Variants in RELCH observed in about 807,000 individuals in gnomAD.
RELCH encodes RAB11 binding and LisH domain, coiled-coil and HEAT repeat containing.
Under a neutral mutation model 150.3 loss-of-function variants are expected in RELCH, and 41 were observed. The ratio of observed to expected loss-of-function variants is 0.27; its 90% CI spans 0.21 to 0.35. RELCH has a LOEUF of 0.35. Ranked by LOEUF, RELCH falls within the 10% of genes least tolerant of loss-of-function variation. RELCH has a pLI of 1.00. For synonymous variants in RELCH, 478 were observed against 531.8 expected, an observed-to-expected ratio of 0.90 and a Z score of 1.39; for missense variants, 1,092 against 1,467.8, an observed-to-expected ratio of 0.74 and a Z score of 4.18.
chr18:62,266,172 A>G (rs1301737918), intron 18 of RELCH, among the ~76,000 whole-genome samples: 1 of 151,944 alleles, frequency 6.6e-6, no homozygotes, highest in Non-Finnish European at 1.5e-5. Context: ...AACTTAACAT[A>G]TTAAAGTTAA....
intron 2 of RELCH, among the ~76,000 whole-genome samples, chr18:62,213,605 C>T (rs1416069265): frequency 6.6e-6 from 1 of 151,712 alleles, no homozygotes; most frequent in Admixed American, 6.6e-5. Context: ...TTGCGTGTGC[C>T]TGCAGTCCCA....
intron 1 of RELCH, among the ~76,000 whole-genome samples, chr18:62,190,239 G>A (rs1369760199): frequency 2.0e-5 from 3 of 152,184 alleles, no homozygotes; most frequent in South Asian, 2.1e-4. Flanking sequence ...TTTTAAGTGT[G>A]TGCAGTTTGG....
chr18:62,227,808 A>G (rs1296403124), intron 7 of RELCH, 119 bp downstream of exon 7: 1 of 502,724 alleles, frequency 2.0e-6, no homozygotes, highest in Non-Finnish European at 3.5e-6. Context: ...ACATTTTAAT[A>G]CTTCTGAAAG....
chr18:62,266,763 T>C lies in RELCH; in HGVS notation c.2680+14T>C. On this transcript the variant is annotated intron_variant, in intron 19 of 28. Coordinates refer to ENST00000644646, the MANE Select transcript of RELCH (RefSeq NM_001346231.2). ...AAGAAAACATTGGTGAGTTTGTTCA[T>C]TATTACTTTTAAAAACAATTGCATT... The C allele has an allele frequency of 7.3e-6, 11 of 1,508,908 alleles. No homozygotes were observed. The highest frequency in any genetic ancestry group is 9.2e-6 in the Non-Finnish European group (10 of 1,090,492). 93.5% of individuals were successfully genotyped at this position (1,508,908 alleles called of 1,614,324 possible).
intron 11 of RELCH, among the ~76,000 whole-genome samples, chr18:62,252,153 G>A (rs1008445915): frequency 9.4e-5 from 14 of 149,012 alleles, no homozygotes; most frequent in African/African-American, 1.7e-4. Flanking sequence ...GTGCCACCAC[G>A]CCCGGCTAAT....
chr18:62,221,135 CT>C, intron 3 of RELCH, 27 bp downstream of exon 3: 1 of 1,607,416 alleles, frequency 6.2e-7, no homozygotes, highest in Non-Finnish European at 8.5e-7. Context: ...TTTTTTGAGA[CT>C]TTTCAACTTT....
chr18:62,193,889 G>A (rs748831797), intron 1 of RELCH, among the ~76,000 whole-genome samples: 5 of 152,240 alleles, frequency 3.3e-5, no homozygotes, highest in Middle Eastern at 3.4e-3. Flanking sequence ...CTCTATATGT[G>A]CATTATCAAA....
intron 1 of RELCH, among the ~76,000 whole-genome samples, chr18:62,207,914 T>C (rs1445658770): frequency 1.3e-5 from 2 of 152,240 alleles, no homozygotes; most frequent in Non-Finnish European, 2.9e-5. Flanking sequence ...ATACAGTATA[T>C]AGCCATGTAG....
intron 1 of RELCH, among the ~76,000 whole-genome samples, chr18:62,196,049 A>G (rs940054625): frequency 2.6e-5 from 4 of 152,076 alleles, no homozygotes; most frequent in African/African-American, 4.8e-5. Context: ...CTGAAAGCAT[A>G]TATCTAACTA....
chr18:62,232,936 A>G (rs17069644), intron 10 of RELCH, among the ~76,000 whole-genome samples: 21,777 of 152,000 alleles, frequency 0.14, 1,853 homozygotes, highest in African/African-American at 0.24. Flanking sequence ...TTCTCTTATA[A>G]TAGGATAGTT....
chr18:62,188,531 C>T (rs1742504429), intron 1 of RELCH, among the ~76,000 whole-genome samples: 2 of 152,176 alleles, frequency 1.3e-5, no homozygotes, highest in Non-Finnish European at 2.9e-5. Flanking sequence ...GACTTTTTCA[C>T]CGCCAAAATT....
At chr18:62,208,334 T>C (rs998562265) in intron 1 of RELCH, among the ~76,000 whole-genome samples, 4 of 148,874 alleles carry the variant, frequency 2.7e-5, no homozygotes, top group Non-Finnish European at 5.9e-5. Flanking sequence ...TGTTTTCACT[T>C]TCTTCATGGT....
chr18:62,243,911 A>G (rs9962796), intron 10 of RELCH, among the ~76,000 whole-genome samples: 11,475 of 152,018 alleles, frequency 0.075, 548 homozygotes, highest in East Asian at 0.18. Flanking sequence ...TGATTTCTTT[A>G]CTGTATTTAC....
intron 5 of RELCH, among the ~76,000 whole-genome samples, chr18:62,225,576 G>T (rs1034238986): frequency 6.6e-6 from 1 of 151,920 alleles, no homozygotes; most frequent in African/African-American, 2.4e-5. Flanking sequence ...AAATAAGCAC[G>T]TGAAAAAGAT....
intron 23 of RELCH, chr18:62,280,434 T>A (rs763891509): frequency 7.4e-6 from 12 of 1,613,708 alleles, no homozygotes; most frequent in Non-Finnish European, 1.0e-5. Context: ...TGTCCAGTGA[T>A]CCTGAATTGT....
intron 5 of RELCH, among the ~76,000 whole-genome samples, chr18:62,224,281 C>T (rs1028107712): frequency 1.4e-4 from 21 of 151,210 alleles, no homozygotes; most frequent in Middle Eastern, 3.2e-3. Flanking sequence ...ATCCATGTCC[C>T]TGCAAAGGAC....
At chr18:62,263,728 T>G (rs1372458862) in intron 16 of RELCH, among the ~76,000 whole-genome samples, 1 of 152,022 alleles carries the variant, frequency 6.6e-6, no homozygotes, top group Non-Finnish European at 1.5e-5. Flanking sequence ...ATAAAATAGA[T>G]AAAAATTTCT....
At chr18:62,279,629 C>T (rs770366488) in intron 22 of RELCH, 145 bp from the exon 23 acceptor site, 5 of 578,020 alleles carry the variant, frequency 8.7e-6, no homozygotes, top group Non-Finnish European at 1.5e-5. Context: ...AGCACTCTAG[C>T]AGCAGTATTT....
intron 23 of RELCH, 108 bp from the exon 24 acceptor site, chr18:62,280,538 C>A: frequency 7.7e-7 from 1 of 1,305,640 alleles, no homozygotes; most frequent in Admixed American, 1.7e-5. Context: ...TTTGTCATTG[C>A]TAGAGACTAA....
Sources: allele counts gnomAD v4.1 joint callset (sites outside exome capture counted in the v4.1 genomes callset), GRCh38; gene constraint gnomAD v4.1.1; transcripts MANE v1.5; gene names NCBI Gene and HGNC (gene_info 2026-07-23, HGNC 2026-07-21).